The following VWA3B variants were observed in gnomAD, a reference collection of about 807,000 sequenced individuals.
VWA3B encodes the protein von Willebrand factor A domain containing 3B.
In VWA3B, 138 loss-of-function variants were observed where a neutral mutation model predicts 158.3. The observed-to-expected ratio is 0.87, with a 90% CI of 0.76 to 1.00. The LOEUF (loss-of-function observed/expected upper bound fraction) is 1.00. VWA3B is among the 50% of genes least tolerant of loss of function. The pLI, the probability that VWA3B is intolerant of heterozygous loss-of-function variation, is 0.00. For missense variants in VWA3B, 1,555 were observed against 1,565.1 expected, an observed-to-expected ratio of 0.99 and a Z score of 0.11; for synonymous variants, 596 against 587.3, an observed-to-expected ratio of 1.01 and a Z score of -0.21.
rs959677368 is a variant in VWA3B, at chr2:98,125,117, C to T, written c.703-3122C>T. Among the ~76,000 whole-genome samples the T allele has an allele frequency of 3.9e-5, 6 of 152,194 alleles. No homozygotes were observed. The highest frequency in any genetic ancestry group is 5.9e-5 in the Non-Finnish European group (4 of 68,036). On this transcript the variant is annotated intron_variant, in intron 5 of 27. Coordinates refer to ENST00000477737, the MANE Select transcript of VWA3B (RefSeq NM_144992.5). This position sits in a 1 kb window ranked among gnomAD's most constrained non-coding sequence, Gnocchi z 4.1. ...ACTGAGCCTCAGGACTGGACTTTGC[C>T]TTCAAGGAGCTCAAAGACACTGGTT...
intron 26 of VWA3B, among the ~76,000 whole-genome samples, chr2:98,305,652 C>A (rs1222320328): frequency 1.3e-5 from 2 of 152,124 alleles, no homozygotes; most frequent in African/African-American, 4.8e-5. Context: ...TCTCAGTTCA[C>A]CCTTTTACCC....
chr2:98,120,762 A>G (rs922171236), intron 4 of VWA3B, among the ~76,000 whole-genome samples: 1 of 152,224 alleles, frequency 6.6e-6, no homozygotes, highest in Non-Finnish European at 1.5e-5. Flanking sequence ...GTTTAACCAA[A>G]TTTTCTCAGG....
chr2:98,222,513 G>A lies in VWA3B; in HGVS notation c.2019+4485G>A, dbSNP rs115470692. On this transcript the variant is annotated intron_variant, in intron 14 of 27. Transcript: ENST00000477737. ...TCCTCTCCTTCAGAGACACATCAGA[G>A]TGCGTTGGAAGAACAGGCAGGAGAG... is the stretch of plus-strand genomic sequence containing the variant. Among the ~76,000 whole-genome samples the A allele has an allele frequency of 6.5e-3, 985 of 152,336 alleles. 6 individuals are homozygous for A. Among genetic ancestry groups the A allele is most frequent in the African/African-American group, 0.023 (940 of 41,574 alleles).
At chr2:98,282,213 C>G (rs1688917578) in intron 22 of VWA3B, among the ~76,000 whole-genome samples, 1 of 152,076 alleles carries the variant, frequency 6.6e-6, no homozygotes, top group African/African-American at 2.4e-5. Flanking sequence ...CCTGGGAAGC[C>G]TATGTTCTGT....
At chr2:98,145,510 A>T (rs1490571115) in intron 7 of VWA3B, among the ~76,000 whole-genome samples, 2 of 152,222 alleles carry the variant, frequency 1.3e-5, no homozygotes, top group Non-Finnish European at 2.9e-5. Flanking sequence ...CCATTGCATT[A>T]TGCTGGTTTT....
chr2:98,227,781 C>T lies in VWA3B; in HGVS notation c.2020-421C>T, dbSNP rs141627625. 4.3e-3 allele frequency among the ~76,000 whole-genome samples: 652 copies of T among 152,134 alleles called. 2 individuals are homozygous for T. The highest frequency in any genetic ancestry group is 0.015 in the African/African-American group (610 of 41,494). Reference sequence around the variant, plus strand: ...GAGGGTGTGCAGATTTACAATGGGGCACAAGGAAATTTGGAGGGTGACGAA... The same window carrying T: ...GAGGGTGTGCAGATTTACAATGGGGTACAAGGAAATTTGGAGGGTGACGAA... On this transcript the variant is annotated intron_variant, in intron 14 of 27. Coordinates refer to ENST00000477737, the MANE Select transcript of VWA3B (RefSeq NM_144992.5).
intron 21 of VWA3B, among the ~76,000 whole-genome samples, chr2:98,260,536 A>G (rs997238119): frequency 6.6e-6 from 1 of 151,836 alleles, no homozygotes; most frequent in African/African-American, 2.4e-5. Flanking sequence ...GTACAGAAAG[A>G]TGTGTGTAGG....
chr2:98,259,734 G>A (rs1212957224), intron 21 of VWA3B, among the ~76,000 whole-genome samples: 1 of 151,396 alleles, frequency 6.6e-6, no homozygotes, highest in Non-Finnish European at 1.5e-5. Context: ...TCTGTAATTT[G>A]TTTATAAGTG....
intron 5 of VWA3B, among the ~76,000 whole-genome samples, chr2:98,126,622 G>A (rs1675383552): frequency 1.3e-5 from 2 of 152,218 alleles, no homozygotes; most frequent in African/African-American, 4.8e-5. Flanking sequence ...TGGCTACAAG[G>A]AATCTGGAGA....
intron 7 of VWA3B, among the ~76,000 whole-genome samples, chr2:98,149,189 G>A (rs1022148337): frequency 1.3e-5 from 2 of 152,208 alleles, no homozygotes; most frequent in African/African-American, 4.8e-5. Context: ...GCTTACTGCA[G>A]CTTTGCTTTT....
chr2:98,144,510 G>A (rs891297019), intron 7 of VWA3B, among the ~76,000 whole-genome samples: 17 of 151,020 alleles, frequency 1.1e-4, no homozygotes, highest in Non-Finnish European at 1.9e-4. Context: ...TCATTCCTTC[G>A]AGAAGGGCTT....
the VWA3B span, among the ~76,000 whole-genome samples, chr2:98,321,006 G>A: frequency 6.6e-6 from 1 of 152,198 alleles, no homozygotes; most frequent in Non-Finnish European, 1.5e-5. Flanking sequence ...CTGGGCCCAG[G>A]ACACCTCTGC....
intron 3 of VWA3B, among the ~76,000 whole-genome samples, chr2:98,116,843 C>T (rs1214215765): frequency 6.6e-6 from 1 of 152,172 alleles, no homozygotes; most frequent in Non-Finnish European, 1.5e-5. Flanking sequence ...TTATTTTTGT[C>T]TGCCTACATT....
At chr2:98,307,731 C>G (rs1370930362) in intron 26 of VWA3B, among the ~76,000 whole-genome samples, 1 of 152,120 alleles carries the variant, frequency 6.6e-6, no homozygotes, top group Non-Finnish European at 1.5e-5. Flanking sequence ...CAAATGAGGC[C>G]ATCTAAAAAA....
At chr2:98,278,477 C>G (rs1436693594) in intron 22 of VWA3B, among the ~76,000 whole-genome samples, 2 of 152,160 alleles carry the variant, frequency 1.3e-5, no homozygotes, top group Non-Finnish European at 2.9e-5. Context: ...AGAATCAGGT[C>G]ACACGAACAA....
At chr2:98,087,539 T>C (rs1186060364) in intron 1 of VWA3B, among the ~76,000 whole-genome samples, 176 bp downstream of exon 1, 2 of 152,080 alleles carry the variant, frequency 1.3e-5, no homozygotes, top group Non-Finnish European at 2.9e-5. Flanking sequence ...CACTTAATCG[T>C]CCGCTACCCA....
intron 23 of VWA3B, among the ~76,000 whole-genome samples, chr2:98,294,945 A>G (rs1689714028): frequency 1.3e-5 from 2 of 152,212 alleles, no homozygotes; most frequent in South Asian, 4.1e-4. Flanking sequence ...GCGATGACGT[A>G]CAGCCCTTTG....
At chr2:98,300,015 G>A (rs1164441253) in intron 24 of VWA3B, 64 bp from the exon 25 acceptor site, 3 of 1,598,764 alleles carry the variant, frequency 1.9e-6, no homozygotes, top group African/African-American at 2.7e-5. Flanking sequence ...TTTAAAACTT[G>A]CTTATGTTAA....
chr2:98,133,713 A>T (rs1676039830), intron 6 of VWA3B, 111 bp from the exon 7 acceptor site: 2 of 820,486 alleles, frequency 2.4e-6, no homozygotes, highest in Non-Finnish European at 4.1e-6. Context: ...ATGGCTAAGA[A>T]GATGAAGATG....
Sources: gnomAD v4.1 joint callset for allele counts (sites outside exome capture counted in the v4.1 genomes callset) on GRCh38, gnomAD v4.1.1 for gene constraint, Gnocchi (gnomAD v3.1) non-coding constraint, MANE v1.5 for transcripts, NCBI Gene and HGNC (gene_info 2026-07-23, HGNC 2026-07-21) for gene names.